The following TENM3 variants were observed in gnomAD, a reference collection of about 807,000 sequenced individuals.
TENM3 encodes the protein teneurin transmembrane protein 3.
A neutral mutation model predicts 255.1 loss-of-function variants in TENM3; 63 were observed. The ratio of observed to expected loss-of-function variants is 0.25; its 90% CI spans 0.20 to 0.30. TENM3 has a LOEUF of 0.30. Ranked by LOEUF, TENM3 falls within the 10% of genes least tolerant of loss-of-function variation. The probability of loss-of-function intolerance (pLI) is 1.00; values close to 1 mark genes in which losing one functional copy is unlikely to be tolerated. For synonymous variants in TENM3, 1,306 were observed against 1,322.3 expected, an observed-to-expected ratio of 0.99 and a Z score of 0.27; for missense variants, 2,929 against 3,461.1, an observed-to-expected ratio of 0.85 and a Z score of 3.86.
the TENM3 span, among the ~76,000 whole-genome samples, chr4:181,479,369 C>T: frequency 6.6e-6 from 1 of 152,148 alleles, no homozygotes; most frequent in African/African-American, 2.4e-5. Context: ...TAACTAATTA[C>T]CTATACATAG....
At chr4:181,584,645 TAGGTGCTAGGCTACCCC>T in the TENM3 span, among the ~76,000 whole-genome samples, 1 of 152,186 alleles carries the variant, frequency 6.6e-6, no homozygotes, top group African/African-American at 2.4e-5. Flanking sequence ...GAACTCTCAA[TAGGTGCTAGGCTACCCC>T]AGGACTCAAA....
intron 4 of TENM3, among the ~76,000 whole-genome samples, chr4:182,627,850 G>GACAGCATA (rs1561025842): frequency 6.6e-6 from 1 of 151,946 alleles, no homozygotes; most frequent in Non-Finnish European, 1.5e-5. Flanking sequence ...TGTCAAGGAA[G>GACAGCATA]ACAGCATACA....
chr4:182,009,820 T>A, the TENM3 span, among the ~76,000 whole-genome samples: 2 of 152,216 alleles, frequency 1.3e-5, no homozygotes, highest in African/African-American at 4.8e-5. Flanking sequence ...GTTGGGATGC[T>A]AGGCCCCGGT....
At chr4:182,681,672 C>T in intron 10 of TENM3, 142 bp from the exon 11 acceptor site, 1 of 654,732 alleles carries the variant, frequency 1.5e-6, no homozygotes, top group Non-Finnish European at 2.6e-6. Context: ...TTTGCATTTT[C>T]AGAAACAAGT....
the TENM3 span, among the ~76,000 whole-genome samples, chr4:182,129,219 T>C: frequency 7.2e-5 from 11 of 152,196 alleles, no homozygotes; most frequent in African/African-American, 2.7e-4. Context: ...AGTAGATAGA[T>C]TGTGTTAAGT....
At chr4:182,054,126 A>G in the TENM3 span, among the ~76,000 whole-genome samples, 1 of 152,084 alleles carries the variant, frequency 6.6e-6, no homozygotes, top group Non-Finnish European at 1.5e-5. Flanking sequence ...ACTCATTTAC[A>G]TCTTCCATGT....
rs1561016822 is a variant in TENM3 at position 182,621,745 on chromosome 4, A to AT, written c.750-6905dup. On this transcript the variant is annotated intron_variant, in intron 4 of 27. Transcript: ENST00000511685. ...TTATATATAAAATATATAATATATAATATATTATAATATATAATAATTATA... is the reference window on the plus strand; with the variant it reads ...TTATATATAAAATATATAATATATAATTATATTATAATATATAATAATTATA... Among the ~76,000 whole-genome samples the AT allele has an allele frequency of 2.3e-3, 82 of 35,610 alleles. 3 individuals carry two copies. Among genetic ancestry groups the AT allele is most frequent in the East Asian group, 9.9e-3 (19 of 1,910 alleles). The allele number at this position is 35,610 out of a possible 152,430, so 23.4% of individuals were successfully genotyped here.
In TENM3 at chr4:182,310,549, T is replaced by C. The variant is rs74526107; in HGVS notation, c.-75-13397T>C. 2.7e-3 allele frequency among the ~76,000 whole-genome samples: 413 copies of C among 152,338 alleles called. 2 individuals are homozygous for C. Among genetic ancestry groups the C allele is most frequent in the African/African-American group, 9.7e-3 (403 of 41,584 alleles). On this transcript the variant is annotated intron_variant, in intron 1 of 27. Coordinates refer to ENST00000511685, the MANE Select transcript of TENM3 (RefSeq NM_001080477.4). ...GTAGTTTCACCAGATGTCCCAGGAC[T>C]GACCTCATTGGTCACATGTTCATTC...
At chr4:182,764,030 GT>G (rs1763447700) in intron 22 of TENM3, among the ~76,000 whole-genome samples, 1 of 152,190 alleles carries the variant, frequency 6.6e-6, no homozygotes, top group African/African-American at 2.4e-5. Context: ...ACAAGCATAG[GT>G]AATCCCATAT....
At chr4:182,460,305 T>A (rs149215809) in intron 3 of TENM3, among the ~76,000 whole-genome samples, 1 of 152,198 alleles carries the variant, frequency 6.6e-6, no homozygotes, top group Non-Finnish European at 1.5e-5. Context: ...ATTAGACTTA[T>A]CTGTTTAAGA....
At chr4:181,521,059 T>A in the TENM3 span, among the ~76,000 whole-genome samples, 1 of 152,208 alleles carries the variant, frequency 6.6e-6, no homozygotes, top group Non-Finnish European at 1.5e-5. Context: ...AATACAGCTC[T>A]CCTCAATGGG....
the TENM3 span, among the ~76,000 whole-genome samples, chr4:182,064,882 G>C: frequency 2.0e-5 from 3 of 152,098 alleles, no homozygotes; most frequent in Non-Finnish European, 4.4e-5. Flanking sequence ...CCCACACAAG[G>C]CTGTCTCTAC....
chr4:181,554,900 A>G, the TENM3 span, among the ~76,000 whole-genome samples: 1 of 152,206 alleles, frequency 6.6e-6, no homozygotes, highest in African/African-American at 2.4e-5. Context: ...CATCTATTGT[A>G]ACATCAGTTT....
the TENM3 span, among the ~76,000 whole-genome samples, chr4:182,010,196 A>C: frequency 6.6e-6 from 1 of 152,336 alleles, no homozygotes; most frequent in African/African-American, 2.4e-5. Flanking sequence ...AGCTATTTAT[A>C]CAAGTATAAT....
intron 13 of TENM3, among the ~76,000 whole-genome samples, chr4:182,719,710 A>T (rs1579227485): frequency 6.6e-6 from 1 of 152,292 alleles, no homozygotes; most frequent in East Asian, 1.9e-4. Context: ...AATAAGAAAG[A>T]TAGAAATAAG....
chr4:182,650,658 C>T (rs1753171088), intron 5 of TENM3, among the ~76,000 whole-genome samples: 2 of 149,012 alleles, frequency 1.3e-5, no homozygotes, highest in South Asian at 2.3e-4. Context: ...CCCACTACCA[C>T]CCTGCATTCG....
At chr4:182,187,807 T>TA (rs1753263699) in intron 1 of TENM3, among the ~76,000 whole-genome samples, 1 of 152,182 alleles carries the variant, frequency 6.6e-6, no homozygotes, top group South Asian at 2.1e-4. Flanking sequence ...TCTTCTAGAA[T>TA]AAAAAGAGTT....
the TENM3 span, among the ~76,000 whole-genome samples, chr4:181,689,587 A>G: frequency 6.6e-6 from 1 of 152,194 alleles, no homozygotes; most frequent in African/African-American, 2.4e-5. Context: ...AGATCACTCC[A>G]TCATGGATAA....
At chr4:181,808,711 T>C in the TENM3 span, among the ~76,000 whole-genome samples, 1 of 152,206 alleles carries the variant, frequency 6.6e-6, no homozygotes, top group Non-Finnish European at 1.5e-5. Context: ...AAGTTGAATG[T>C]ATATTGGTAT....
Sources: allele counts gnomAD v4.1 joint callset (sites outside exome capture counted in the v4.1 genomes callset), GRCh38; gene constraint gnomAD v4.1.1; transcripts MANE v1.5; gene names NCBI Gene and HGNC (gene_info 2026-07-23, HGNC 2026-07-21).